Variants in MCM10 observed in about 807,000 individuals in gnomAD.
MCM10 encodes protein MCM10 homolog.
Under a neutral mutation model 109.9 loss-of-function variants are expected in MCM10, and 91 were observed. The observed-to-expected ratio is 0.83, with a 90% confidence interval of 0.70 to 0.99. The LOEUF is 0.99. Among genes scored for constraint, MCM10 ranks in the 50% least tolerant of loss-of-function variants. The pLI, the probability that MCM10 is intolerant of heterozygous loss-of-function variation, is 0.00. For missense variants in MCM10, 1,077 were observed against 1,061.2 expected (o/e 1.01, Z -0.21); for synonymous variants, 380 against 387.2 (o/e 0.98, Z 0.22).
At chr10:13,190,390 CTG>C (rs1194571480) in intron 10 of MCM10, among the ~76,000 whole-genome samples, 1 of 152,116 alleles carries the variant, frequency 6.6e-6, no homozygotes, top group African/African-American at 2.4e-5. Flanking sequence ...ACCTGAAAAA[CTG>C]TTAGTTCTAG....
At position 13,166,675 on chromosome 10, in the gene MCM10, T is replaced by TG. The variant is rs1321271561; in HGVS notation, c.7+2466_7+2467insG. 2.0e-3 allele frequency among the ~76,000 whole-genome samples: 279 copies of TG among 140,408 alleles called. 6 individuals are homozygous for TG. The highest frequency in any genetic ancestry group is 7.2e-3 in the African/African-American group (255 of 35,304). 92.1% of individuals were successfully genotyped at this position (140,408 alleles called of 152,430 possible). A position where few individuals can be genotyped will look rare whatever the true frequency, so the allele number is the denominator to read the frequency against. On this transcript the variant is annotated intron_variant, in intron 2 of 19. Coordinates refer to ENST00000378714, the MANE Select transcript of MCM10 (RefSeq NM_018518.5). ...ATACATACATACATATATATATATA[T>TG]ATATATATATATATCATCAGCTAAG... is the stretch of plus-strand genomic sequence containing the variant.
At chr10:13,195,548 T>G (rs1358171096) in intron 14 of MCM10, 1 of 203,220 alleles carries the variant, frequency 4.9e-6, no homozygotes, top group Non-Finnish European at 9.9e-6. Flanking sequence ...GAGGTGAGAC[T>G]GTAAAATGGT....
intron 10 of MCM10, among the ~76,000 whole-genome samples, chr10:13,189,812 T>C (rs539709626): frequency 1.3e-5 from 2 of 152,298 alleles, no homozygotes; most frequent in African/African-American, 4.8e-5. Flanking sequence ...GGGGCGATGC[T>C]GGGCAGGCAT....
In MCM10 at chr10:13,195,278, C is replaced by A. The variant is rs760846821; in HGVS notation, c.1974+9C>A. Reference sequence around the variant, plus strand: ...TAGCAGAAGCCAAAAAGGTAACTGGCATCTCTTCTCTTTAGCACTTGAGTT... The same window carrying A: ...TAGCAGAAGCCAAAAAGGTAACTGGAATCTCTTCTCTTTAGCACTTGAGTT... On this transcript the variant is annotated intron_variant, in intron 14 of 19. Coordinates refer to ENST00000378714, the MANE Select transcript of MCM10 (RefSeq NM_018518.5). 1.9e-6 allele frequency: 3 copies of A among 1,575,144 alleles called. No homozygotes were observed. Among genetic ancestry groups the A allele is most frequent in the Non-Finnish European group, 2.6e-6 (3 of 1,157,708 alleles).
At chr10:13,180,326 C>A in intron 6 of MCM10, 116 bp from the exon 7 acceptor site, 1 of 728,856 alleles carries the variant, frequency 1.4e-6, no homozygotes, top group East Asian at 2.8e-5. Context: ...AACTAAGCTT[C>A]CCAAGAACAG....
Position 13,175,604 on chromosome 10 carries a change from A to G in MCM10, c.687A>G (p.Gln229=). The G allele has an allele frequency of 6.2e-7, 1 of 1,613,808 alleles. No individual in the cohort carries two copies. The part of the protein sequence containing the change: ...RNKPSGITRG[Q]IVGTPGSSGE... ...AACCTAGTGGGATAACTAGAGGTCA[A>G]ATTGTGGGGACCCCAGGAAGTTCTG... Residue 229 remains glutamine, a synonymous_variant, in exon 6 of 20, where the codon CAA becomes CAG. Transcript: ENST00000378714.
intron 18 of MCM10, among the ~76,000 whole-genome samples, chr10:13,206,218 G>A (rs1834578896): frequency 6.6e-6 from 1 of 151,868 alleles, no homozygotes; most frequent in Non-Finnish European, 1.5e-5. Flanking sequence ...TTTGTAGGAT[G>A]CGTCTGTGCT....
rs777706441 is a variant in MCM10, at chr10:13,175,541, T to C, written c.624T>C (p.Ser208=). The C allele has an allele frequency of 1.0e-4, 168 of 1,613,918 alleles. No individual in the cohort carries two copies. Among genetic ancestry groups the C allele is most frequent in the Non-Finnish European group, 1.4e-4 (162 of 1,179,940 alleles). ...DPKSSSSRMT[S]APSQPLQTIS... ...AAAGCTCATCTTCAAGGATGACAAG[T>C]GCACCCTCCCAACCCCTACAGACGA... The change falls in exon 6 of 20, where the codon AGT becomes AGC. Residue 208 remains serine, a synonymous_variant. Coordinates refer to ENST00000378714, the MANE Select transcript of MCM10 (RefSeq NM_018518.5).
At chr10:13,170,714 C>T (rs746641499) in intron 2 of MCM10, among the ~76,000 whole-genome samples, 3 of 152,014 alleles carry the variant, frequency 2.0e-5, no homozygotes, top group East Asian at 1.9e-4. Context: ...TTAGTTTCAG[C>T]TTTCATTTTA....
chr10:13,172,548 A>C lies in MCM10; in HGVS notation c.454+68A>C. 1 of 1,596,858 alleles carries C rather than the reference A, an allele frequency of 6.3e-7. No individual in the cohort carries two copies. The highest frequency in any genetic ancestry group is 8.6e-7 in the Non-Finnish European group (1 of 1,165,192). On this transcript the variant is annotated intron_variant, in intron 4 of 19. Transcript: ENST00000378714. The surrounding 1 kb of genome is among the most constrained non-coding windows in gnomAD (Gnocchi z 5.2). ...TTAGAAATTATCACATCATTTCTGC[A>C]TCCAACTCCTGTCCAAACAGCCCTT...
intron 9 of MCM10, among the ~76,000 whole-genome samples, chr10:13,188,091 GCCAGGATCACGCCACTGCACT>G (rs1263579559): frequency 6.6e-6 from 1 of 152,038 alleles, no homozygotes; most frequent in African/African-American, 2.4e-5. Flanking sequence ...GTTGCAGTGG[GCCAGGATCACGCCACTGCACT>G]CCAGCCTGGG....
At chr10:13,188,302 A>G (rs1362129029) in intron 9 of MCM10, among the ~76,000 whole-genome samples, 2 of 152,200 alleles carry the variant, frequency 1.3e-5, no homozygotes, top group African/African-American at 2.4e-5. Context: ...TTGTTTTTAA[A>G]TTATTTTTTA....
intron 16 of MCM10, among the ~76,000 whole-genome samples, chr10:13,199,841 G>C (rs11258247): frequency 3.3e-5 from 5 of 152,130 alleles, no homozygotes; most frequent in African/African-American, 1.2e-4. Flanking sequence ...TGATAATGTA[G>C]GGGTTTTGTC....
chr10:13,181,532 G>A (rs1485351060), intron 7 of MCM10, among the ~76,000 whole-genome samples: 1 of 152,118 alleles, frequency 6.6e-6, no homozygotes, highest in South Asian at 2.1e-4. Context: ...TTGGTGGAGG[G>A]CAGGGAGGGG....
At chr10:13,188,429 C>T (rs1254480211) in intron 9 of MCM10, among the ~76,000 whole-genome samples, 1 of 152,166 alleles carries the variant, frequency 6.6e-6, no homozygotes, top group African/African-American at 2.4e-5. Flanking sequence ...CCTGTAAAAA[C>T]AATGGCACCA....
rs997568591 is a variant in MCM10, at chr10:13,182,345, A to C, written c.931-588A>C. On this transcript the variant is annotated intron_variant, in intron 7 of 19. Transcript: ENST00000378714. This position sits in a 1 kb window ranked among gnomAD's most constrained non-coding sequence, Gnocchi z 4.2. ...AAAAAAATTAGCTGGGGCTGGTAGC[A>C]CATGCCTGTAGTCCCAGCTGCTTGG... 1.3e-5 allele frequency among the ~76,000 whole-genome samples: 2 copies of C among 152,030 alleles called. No homozygotes were observed. Among genetic ancestry groups the C allele is most frequent in the African/African-American group, 4.8e-5 (2 of 41,386 alleles).
intron 8 of MCM10, among the ~76,000 whole-genome samples, chr10:13,183,526 T>A (rs1834236289): frequency 6.6e-6 from 1 of 152,228 alleles, no homozygotes; most frequent in African/African-American, 2.4e-5. Flanking sequence ...TCTCCGTGAA[T>A]CTGGCTTTTC....
At chr10:13,165,528 T>C (rs145395981) in intron 2 of MCM10, among the ~76,000 whole-genome samples, 2 of 152,310 alleles carry the variant, frequency 1.3e-5, no homozygotes, top group East Asian at 3.9e-4. Flanking sequence ...ATACCTGTTC[T>C]CTAAGAAATC....
chr10:13,194,926 C>T (rs780450177), intron 13 of MCM10, 115 bp from the exon 14 acceptor site: 1 of 822,268 alleles, frequency 1.2e-6, no homozygotes. Flanking sequence ...CATTATTTTG[C>T]TAACAACTAG....
Sources: allele counts gnomAD v4.1 joint callset (sites outside exome capture counted in the v4.1 genomes callset), GRCh38; gene constraint gnomAD v4.1.1; non-coding constraint Gnocchi (gnomAD v3.1); transcripts MANE v1.5; gene names NCBI Gene and HGNC (gene_info 2026-07-23, HGNC 2026-07-21).